The following UACA variants were observed in gnomAD, a reference collection of about 807,000 sequenced individuals.
UACA encodes the protein uveal autoantigen with coiled-coil domains and ankyrin repeats, also known as nuclear membrane binding protein.
In UACA, 112 loss-of-function variants were observed where a neutral mutation model predicts 160.5. The ratio of observed to expected loss-of-function variants is 0.70; its 90% CI spans 0.60 to 0.82. The LOEUF (loss-of-function observed/expected upper bound fraction) is 0.82, where lower values mean the gene tolerates loss of function less well. Among genes scored for constraint, UACA ranks in the 40% least tolerant of loss-of-function variants. The probability of loss-of-function intolerance (pLI) is 0.00; values close to 1 mark genes in which losing one functional copy is unlikely to be tolerated. For synonymous variants in UACA, 557 were observed against 568.4 expected (o/e 0.98, Z 0.29); for missense variants, 1,574 against 1,614.6 (o/e 0.97, Z 0.43).
chr15:70,659,395 G>GTTTTTTTTT lies in UACA; in HGVS notation c.4179+747_4179+755dup, dbSNP rs71152307. Among the ~76,000 whole-genome samples the GTTTTTTTTT allele has an allele frequency of 2.6e-3, 49 of 18,778 alleles. 6 individuals are homozygous for GTTTTTTTTT. Among genetic ancestry groups the GTTTTTTTTT allele is most frequent in the East Asian group, 4.6e-3 (2 of 434 alleles). The allele number at this position is 18,778 out of a possible 152,430, so 12.3% of individuals were successfully genotyped here. On this transcript the variant is annotated intron_variant, in intron 18 of 18. Transcript: ENST00000322954. ...TCTTTCCCTTCTTCATTTTTTGTTT[G>GTTTTTTTTT]TTTTTTTTTTTTTTTTTTTTTTTTT...
Position 70,660,216 on chromosome 15 carries a change from C to T in UACA, c.4114G>A (p.Asp1372Asn), listed in dbSNP as rs747020730. 1 of 1,613,406 alleles carries T rather than the reference C, an allele frequency of 6.2e-7. No individual in the cohort carries two copies. Among genetic ancestry groups the T allele is most frequent in the African/African-American group, 1.3e-5 (1 of 75,004 alleles). Residue 1372 changes from aspartate to asparagine, a missense_variant and splice_region_variant, in exon 18 of 19, where the codon GAT becomes AAT. Transcript: ENST00000322954. ...ACTTCTTGGTGCTGTCTGTCAGCAT[C>T]CTAGAAATGTGGAAAGATGGACAGA... ...QVKSLEQQLADADRQHQEVIA... is the reference protein window; with the variant it reads ...QVKSLEQQLANADRQHQEVIA...
In UACA at chr15:70,684,329, T is replaced by C; in HGVS notation, c.720A>G (p.Ala240=). ...GAATGTCCAGATTGTCACCAATTCT[T>C]GCATAGTAAGAACTATCATGGCCAA... is the stretch of plus-strand genomic sequence containing the variant. The part of the protein sequence containing the change: ...DALGHDSSYY[A]RIGDNLDILT... The change falls in exon 8 of 19, where the codon GCA becomes GCG. Residue 240 remains alanine (A), a synonymous_variant. Coordinates refer to ENST00000322954, the MANE Select transcript of UACA (RefSeq NM_018003.4). 1 of 1,613,822 alleles carries C rather than the reference T, an allele frequency of 6.2e-7. No homozygotes were observed. Among genetic ancestry groups the C allele is most frequent in the East Asian group, 2.2e-5 (1 of 44,858 alleles).
At chr15:70,694,497 G>A (rs1898058351) in intron 3 of UACA, among the ~76,000 whole-genome samples, 1 of 152,140 alleles carries the variant, frequency 6.6e-6, no homozygotes, top group Non-Finnish European at 1.5e-5. Context: ...AGCTACTGAA[G>A]GGCCTTGGGC....
intron 1 of UACA, among the ~76,000 whole-genome samples, chr15:70,761,167 G>A (rs2030730578): frequency 6.6e-6 from 1 of 152,106 alleles, no homozygotes. Flanking sequence ...CAGTGTGCTA[G>A]CATTTCTATA....
At chr15:70,754,312 T>G in intron 1 of UACA, 1 of 331,274 alleles carries the variant, frequency 3.0e-6, no homozygotes, top group Admixed American at 4.1e-5. Context: ...AGAAACTGTA[T>G]GTACTTTGAG....
Position 70,726,823 on chromosome 15 carries a change from C to T in UACA, c.79-27163G>A, listed in dbSNP as rs149322961. Among the ~76,000 whole-genome samples the T allele has an allele frequency of 2.9e-3, 449 of 152,204 alleles. 4 individuals carry two copies. The highest frequency in any genetic ancestry group is 2.2e-3 in the Non-Finnish European group (151 of 68,008). On this transcript the variant is annotated intron_variant, in intron 1 of 18. Transcript: ENST00000322954. ...TATCACAAAGTTATACAAAGAATCA[C>T]AAAGGAAATCTCACAGGAAATAATG...
chr15:70,729,801 G>A (rs550127071), intron 1 of UACA, among the ~76,000 whole-genome samples: 2 of 136,588 alleles, frequency 1.5e-5, no homozygotes, highest in African/African-American at 3.2e-5. Context: ...ATCTGAGAAC[G>A]GGCAGACTGC....
At position 70,756,609 on chromosome 15, in the gene UACA, A is replaced by G. The variant is rs1595927418; in HGVS notation, c.78+6721T>C. The stretch of plus-strand genomic sequence containing the variant: ...AAGACTCAGCTGGGCGAGGTGGCTC[A>G]TGCCTGTAATCCCAGCACGTTGGGA... On this transcript the variant is annotated intron_variant, in intron 1 of 18. Coordinates refer to ENST00000322954, the MANE Select transcript of UACA (RefSeq NM_018003.4). Among the ~76,000 whole-genome samples the G allele has an allele frequency of 2.6e-5, 4 of 152,146 alleles. No individual in the cohort carries two copies. The East Asian group carries it at 5.8e-4, about 22-fold the overall frequency.
chr15:70,757,407 C>G (rs1237681991), intron 1 of UACA, among the ~76,000 whole-genome samples: 1 of 152,176 alleles, frequency 6.6e-6, no homozygotes. Flanking sequence ...TCTATAGACT[C>G]TAGATTCATT....
chr15:70,719,780 C>G (rs1190301323), intron 1 of UACA, among the ~76,000 whole-genome samples: 2 of 151,964 alleles, frequency 1.3e-5, no homozygotes, highest in Admixed American at 1.3e-4. Flanking sequence ...GAGTACCCAC[C>G]CAAGAATCAT....
At chr15:70,658,557 T>G (rs1018780757) in intron 18 of UACA, among the ~76,000 whole-genome samples, 10 of 152,294 alleles carry the variant, frequency 6.6e-5, no homozygotes, top group African/African-American at 2.2e-4. Context: ...CATTTGCATC[T>G]CCCCCATTAC....
chr15:70,682,346 AT>A (rs756891349), intron 9 of UACA, among the ~76,000 whole-genome samples: 2 of 152,182 alleles, frequency 1.3e-5, no homozygotes, highest in African/African-American at 4.8e-5. Context: ...TGTTTTCTTC[AT>A]TTCTTAATTA....
intron 9 of UACA, 101 bp from the exon 10 acceptor site, chr15:70,679,777 A>C (rs1239830348): frequency 1.5e-6 from 1 of 669,726 alleles, no homozygotes. Flanking sequence ...TTTTCAGTTT[A>C]TCCAACATTA....
intron 1 of UACA, among the ~76,000 whole-genome samples, chr15:70,747,248 T>G (rs1344534935): frequency 4.0e-5 from 6 of 148,666 alleles, no homozygotes; most frequent in African/African-American, 1.5e-4. Flanking sequence ...TGGGTTTTTT[T>G]TTTTTTTTTT....
At chr15:70,679,140 C>T (rs927122878) in intron 10 of UACA, among the ~76,000 whole-genome samples, 5 of 151,840 alleles carry the variant, frequency 3.3e-5, no homozygotes, top group Non-Finnish European at 7.4e-5. Context: ...TGGTGGCTCA[C>T]GCTTGTAATC....
chr15:70,716,668 G>C (rs1898829658), intron 1 of UACA, among the ~76,000 whole-genome samples: 2 of 151,994 alleles, frequency 1.3e-5, no homozygotes, highest in South Asian at 4.1e-4. Context: ...GATGAGCTGG[G>C]AACAGAAATG....
chr15:70,749,524 C>CAAA (rs538980286), intron 1 of UACA, among the ~76,000 whole-genome samples: 1 of 134,770 alleles, frequency 7.4e-6, no homozygotes, highest in Non-Finnish European at 1.6e-5. Flanking sequence ...GACTCCGTCT[C>CAAA]AAAAAAAAAA....
rs909386790 is a variant in UACA, at chr15:70,712,064, A to ATATATATATATATC, written c.79-12405_79-12404insGATATATATATATA. Among the ~76,000 whole-genome samples, 14 of 145,454 alleles carry ATATATATATATATC rather than the reference A, an allele frequency of 9.6e-5. 1 individual carries two copies. The highest frequency in any genetic ancestry group is 3.9e-4 in the African/African-American group (14 of 35,720). ...CTAAGCTCCAGGCATATATATATAT[A>ATATATATATATATC]TATCTCCATATACCTTCTTCATGAT... On this transcript the variant is annotated intron_variant, in intron 1 of 18. Transcript: ENST00000322954.
intron 18 of UACA, among the ~76,000 whole-genome samples, 183 bp downstream of exon 18, chr15:70,659,968 A>G (rs1441024381): frequency 6.6e-6 from 1 of 152,134 alleles, no homozygotes; most frequent in African/African-American, 2.4e-5. Context: ...GTGTTGCCAT[A>G]TAGCTTTGTA....
Sources: allele counts gnomAD v4.1 joint callset (sites outside exome capture counted in the v4.1 genomes callset), GRCh38; gene constraint gnomAD v4.1.1; transcripts MANE v1.5; gene names NCBI Gene and HGNC (gene_info 2026-07-23, HGNC 2026-07-21).